NDUFV1: variants seen among roughly 807,000 people sequenced by gnomAD.
The protein encoded by NDUFV1 is NADH dehydrogenase [ubiquinone] flavoprotein 1, mitochondrial.
A neutral mutation model predicts 48.7 loss-of-function variants in NDUFV1; 41 were observed. The ratio of observed to expected loss-of-function variants is 0.84; its 90% CI spans 0.66 to 1.09. The LOEUF is 1.09. NDUFV1 is among the 50% of genes least tolerant of loss of function. The pLI, the probability that NDUFV1 is intolerant of heterozygous loss-of-function variation, is 0.00. For missense variants in NDUFV1, 580 were observed against 645.4 expected (o/e 0.90, Z 1.10); for synonymous variants, 231 against 259.1 (o/e 0.89, Z 1.04).
intron 5 of NDUFV1, 190 bp downstream of exon 5, chr11:67,610,760 C>T (rs551419960): frequency 4.8e-5 from 39 of 816,222 alleles, no homozygotes; most frequent in South Asian, 9.7e-5. Flanking sequence ...CGGTCCCCTC[C>T]GCACCAGTGC....
In NDUFV1 at chr11:67,608,921, TG is replaced by T. The variant is rs1439942214; in HGVS notation, c.326+200del. Among the ~76,000 whole-genome samples the T allele has an allele frequency of 2.6e-5, 4 of 152,346 alleles. No individual in the cohort carries two copies. In the South Asian group the frequency reaches 8.3e-4, roughly 32 times the overall value. On this transcript the variant is annotated intron_variant, in intron 3 of 9. Coordinates refer to ENST00000322776, the MANE Select transcript of NDUFV1 (RefSeq NM_007103.4). ...ATGTAGCAGAATCAACACATGATTT[TG>T]ACTCAGGCAGACTTAGTTCAAATCC...
chr11:67,609,538 T>C lies in NDUFV1; in HGVS notation c.413T>C (p.Leu138Pro). Residue 138 changes from leucine (L) to proline (P), a missense_variant, in exon 4 of 10, where the codon CTG becomes CCG. Coordinates refer to ENST00000322776, the MANE Select transcript of NDUFV1 (RefSeq NM_007103.4). ...REILRHDPHK[L>P]LEGCLVGGRA... ...ATCTTACGCCATGATCCTCACAAGC[T>C]GCTGGAAGGCTGCCTGGTGGGGGGC... The C allele has an allele frequency of 1.2e-6, 2 of 1,613,592 alleles. No homozygotes were observed. Among genetic ancestry groups the C allele is most frequent in the Non-Finnish European group, 1.7e-6 (2 of 1,180,026 alleles).
At chr11:67,610,600 T>C (rs185768908) in intron 5 of NDUFV1, 30 bp downstream of exon 5, 10 of 1,611,862 alleles carry the variant, frequency 6.2e-6, no homozygotes, top group Admixed American at 1.7e-5. Context: ...TGGGTCAGAC[T>C]GTGTCCTGTG....
At position 67,610,855 on chromosome 11, in the gene NDUFV1, G is replaced by A. The variant is rs1449107498; in HGVS notation, c.701-140G>A. ...GGCAATGGGCATCTCTGGAGTTTGG[G>A]GTCCAGCAGGGATAAGAATGATAAG... On this transcript the variant is annotated intron_variant, in intron 5 of 9. Coordinates refer to ENST00000322776, the MANE Select transcript of NDUFV1 (RefSeq NM_007103.4). 1.7e-5 allele frequency: 15 copies of A among 865,174 alleles called. No individual in the cohort carries two copies. In the East Asian group the frequency reaches 3.9e-4, roughly 23 times the overall value. The allele number at this position is 865,174 out of a possible 1,614,324, so 53.6% of individuals were successfully genotyped here.
rs1324942889 is a variant in NDUFV1 at position 67,606,977 on chromosome 11, C to A, written c.-28C>A. 1.2e-6 allele frequency: 2 copies of A among 1,602,828 alleles called. No individual in the cohort carries two copies. The highest frequency in any genetic ancestry group is 1.7e-6 in the Non-Finnish European group (2 of 1,175,546). ...AGCCTCAGTGCTATGAAGGTGACAG[C>A]GTGAGGTGACCCATCTGGCCCGCCG... is the stretch of plus-strand genomic sequence containing the variant. On this transcript the variant is annotated 5_prime_UTR_variant, in exon 1 of 10. Coordinates refer to ENST00000322776, the MANE Select transcript of NDUFV1 (RefSeq NM_007103.4).
intron 4 of NDUFV1, chr11:67,610,106 C>T (rs1235446594): frequency 5.1e-5 from 24 of 473,980 alleles, no homozygotes; most frequent in South Asian, 8.4e-5. Context: ...TTTATTTTTC[C>T]TTTACAGACT....
rs1453898099 is a variant in NDUFV1 at position 67,612,038 on chromosome 11, C to G, written c.1162+60C>G. 1 of 1,613,528 alleles carries G rather than the reference C, an allele frequency of 6.2e-7. No individual in the cohort carries two copies. The highest frequency in any genetic ancestry group is 1.7e-5 in the Admixed American group (1 of 60,010). On this transcript the variant is annotated intron_variant, in intron 8 of 9. Coordinates refer to ENST00000322776, the MANE Select transcript of NDUFV1 (RefSeq NM_007103.4). This position sits in a 1 kb window ranked among gnomAD's most constrained non-coding sequence, Gnocchi z 4.4. ...TGGCTTCATTTAACCTCCTCCCCAC[C>G]ACGTGGCCTGCAGCCCTCAAGCGCC...
rs1383872650 is a variant in NDUFV1, at chr11:67,612,209, C to T, written c.1252C>T (p.Gln418Ter). Reference protein sequence around the residue: ...EIDSLWEISKQIEGHTICALG... With the variant: ...EIDSLWEISK ...CGACTCCCTGTGGGAGATCAGCAAG[C>T]AGATAGAAGGCCATACGATTTGTGC... is the stretch of plus-strand genomic sequence containing the variant. Residue 418 changes from glutamine (Q) to a stop codon, truncating the protein, a stop_gained, in exon 9 of 10, where the codon CAG (glutamine) becomes TAG (stop). Transcript: ENST00000322776. LOFTEE classifies it high-confidence loss of function. This position sits in a 1 kb window ranked among gnomAD's most constrained non-coding sequence, Gnocchi z 4.4. The T allele has an allele frequency of 1.2e-6, 2 of 1,613,676 alleles. No homozygotes were observed. The highest frequency in any genetic ancestry group is 2.2e-5 in the South Asian group (2 of 91,064).
At position 67,611,545 on chromosome 11, in the gene NDUFV1, T is replaced by C. The variant is rs11227859; in HGVS notation, c.1056T>C (p.Ala352=). Residue 352 remains alanine, a synonymous_variant, in exon 7 of 10, where the codon GCT becomes GCC. Coordinates refer to ENST00000322776, the MANE Select transcript of NDUFV1 (RefSeq NM_007103.4). This position sits in a 1 kb window ranked among gnomAD's most constrained non-coding sequence, Gnocchi z 4.2. ...AGGCACAGACAGGCCTGGGCACAGC[T>C]GCGGTGATCGTCATGGACCGCTCGG... is the stretch of plus-strand genomic sequence containing the variant. The part of the protein sequence containing the change: ...LVQAQTGLGT[A]AVIVMDRSTD... 14,179 of 1,609,792 alleles carry C rather than the reference T, an allele frequency of 8.8e-3. 1,083 individuals are homozygous for C. In the African/African-American group the frequency reaches 0.17, roughly 19 times the overall value.
rs755312472 is a variant in NDUFV1 at position 67,611,060 on chromosome 11, C to T, written c.766C>T (p.Arg256Cys). The change falls in exon 6 of 10, where the codon CGC (arginine) becomes TGC (cysteine). Residue 256 changes from arginine to cysteine, a missense_variant. Arg to Cys is a radical substitution (Grantham distance 180). Coordinates refer to ENST00000322776, the MANE Select transcript of NDUFV1 (RefSeq NM_007103.4). This position sits in a 1 kb window ranked among gnomAD's most constrained non-coding sequence, Gnocchi z 4.2. ...ETVAVSPTIC[R>C]RGGTWFAGFG... Reference sequence around the variant, plus strand: ...AGTGGCAGTGTCCCCCACAATCTGCCGCCGTGGAGGTACCTGGTTTGCTGG... The same window carrying T: ...AGTGGCAGTGTCCCCCACAATCTGCTGCCGTGGAGGTACCTGGTTTGCTGG... 18 of 1,614,126 alleles carry T rather than the reference C, an allele frequency of 1.1e-5. No individual in the cohort carries two copies. Among genetic ancestry groups the T allele is most frequent in the East Asian group, 4.5e-5 (2 of 44,900 alleles).
intron 4 of NDUFV1, chr11:67,610,124 T>A (rs919265937): frequency 1.8e-6 from 1 of 552,522 alleles, no homozygotes; most frequent in Non-Finnish European, 3.2e-6. Context: ...ACTAGGGTAG[T>A]TAGGAGACCT....
rs924582407 is a variant in NDUFV1, at chr11:67,607,179, C to T, written c.72+103C>T. The T allele has an allele frequency of 2.6e-5, 34 of 1,308,206 alleles. No homozygotes were observed. In the East Asian group the frequency reaches 7.0e-4, roughly 27 times the overall value. The allele number at this position is 1,308,206 out of a possible 1,614,324, so 81.0% of individuals were successfully genotyped here. ...GGGTCTGTAGTGGCCTCTGGAGAGC[C>T]CTTCTCCCCAGGCCAGGCGGGAAGG... On this transcript the variant is annotated intron_variant, in intron 1 of 9. Transcript: ENST00000322776.
chr11:67,608,838 A>C (rs1854859608), intron 3 of NDUFV1, 116 bp downstream of exon 3: 1 of 1,435,388 alleles, frequency 7.0e-7, no homozygotes, highest in African/African-American at 1.4e-5. Flanking sequence ...AGGTGGGCAC[A>C]TGTTCCCAGG....
rs1290684221 is a variant in NDUFV1 at position 67,609,505 on chromosome 11, A to G, written c.380A>G (p.Asp127Gly). 4.3e-6 allele frequency: 7 copies of G among 1,613,762 alleles called. No homozygotes were observed. In the South Asian group the frequency reaches 7.7e-5, roughly 18 times the overall value. Residue 127 changes from aspartate (D) to glycine (G), a missense_variant, in exon 4 of 10, where the codon GAC (aspartate) becomes GGC (glycine). Physicochemically the swap from Asp to Gly is moderately conservative, Grantham distance 94. Transcript: ENST00000322776. ...GAGGGGGAGCCGGGCACCTGCAAGG[A>G]CCGGGAGATCTTACGCCATGATCCT... ...ADEGEPGTCK[D>G]REILRHDPHK... is the part of the protein sequence containing the mutation.
rs777611680 is a variant in NDUFV1, at chr11:67,612,365, A to AC, written c.1309-3dup. 8 of 1,613,436 alleles carry AC rather than the reference A, an allele frequency of 5.0e-6. No homozygotes were observed. The East Asian group carries it at 1.3e-4, about 27-fold the overall frequency. On this transcript the variant is annotated splice_region_variant and splice_polypyrimidine_tract_variant and intron_variant, in intron 9 of 9. Transcript: ENST00000322776. This position sits in a 1 kb window ranked among gnomAD's most constrained non-coding sequence, Gnocchi z 4.4. Reference sequence around the variant, plus strand: ...TCTGTTTCACATGGTCCCCCCACCGACCCCAGGGTCTGATCCGCCACTTTC... The same window carrying AC: ...TCTGTTTCACATGGTCCCCCCACCGACCCCCAGGGTCTGATCCGCCACTTTC...
In NDUFV1 at chr11:67,608,187, C is replaced by T. The variant is rs1439368021; in HGVS notation, c.73-209C>T. 2.8e-5 allele frequency: 17 copies of T among 600,926 alleles called. No homozygotes were observed. The Admixed American group carries it at 4.1e-4, about 14-fold the overall frequency. 37.2% of individuals were successfully genotyped at this position (600,926 alleles called of 1,614,324 possible). ...TTTGCAGTGAGCTGAGATTACGCCA[C>T]TGCACTCCAGCCTAGGCAAAAGAGC... On this transcript the variant is annotated intron_variant, in intron 1 of 9. Coordinates refer to ENST00000322776, the MANE Select transcript of NDUFV1 (RefSeq NM_007103.4).
chr11:67,610,918 C>A, intron 5 of NDUFV1, 77 bp from the exon 6 acceptor site: 1 of 1,413,258 alleles, frequency 7.1e-7, no homozygotes, highest in Non-Finnish European at 1.0e-6. Context: ...GGGTGCAGGA[C>A]CCTGGGACAC....
chr11:67,607,572 G>A (rs1441169142), intron 1 of NDUFV1: 1 of 439,232 alleles, frequency 2.3e-6, no homozygotes, highest in Non-Finnish European at 4.6e-6. Context: ...TGTTAAGGAG[G>A]CATTTCTTTC....
intron 1 of NDUFV1, 83 bp from the exon 2 acceptor site, chr11:67,608,313 G>T: frequency 1.5e-6 from 2 of 1,331,742 alleles, no homozygotes; most frequent in Non-Finnish European, 2.2e-6. Context: ...TCCTAAATAG[G>T]GAGACCCAAG....
Sources: allele counts gnomAD v4.1 joint callset (sites outside exome capture counted in the v4.1 genomes callset), GRCh38; gene constraint gnomAD v4.1.1; non-coding constraint Gnocchi (gnomAD v3.1); transcripts MANE v1.5; gene names NCBI Gene and HGNC (gene_info 2026-07-23, HGNC 2026-07-21).